Variants in PCGF5 observed in about 807,000 individuals in gnomAD.
PCGF5 encodes the protein polycomb group ring finger 5.
In PCGF5, 9 loss-of-function variants were observed where a neutral mutation model predicts 44.3. The ratio of observed to expected loss-of-function variants is 0.20; its 90% CI spans 0.12 to 0.35. The LOEUF is 0.35. Among genes scored for constraint, PCGF5 ranks in the 10% least tolerant of loss-of-function variants. The pLI is 1.00. For missense variants in PCGF5, 146 were observed against 305.3 expected (o/e 0.48, Z 3.89); for synonymous variants, 95 against 102.5 (o/e 0.93, Z 0.44).
chr10:91,164,328 G>A (rs575428133), intron 1 of PCGF5, among the ~76,000 whole-genome samples: 1 of 152,214 alleles, frequency 6.6e-6, no homozygotes, highest in Non-Finnish European at 1.5e-5. Flanking sequence ...CTAACTTTTG[G>A]GGGGTCAGGG....
At chr10:91,178,641 G>A (rs149750422) in intron 1 of PCGF5, among the ~76,000 whole-genome samples, 111 of 151,996 alleles carry the variant, frequency 7.3e-4, no homozygotes, top group Non-Finnish European at 7.5e-4. Flanking sequence ...CTCCCACCTC[G>A]GCCTCCCAAA....
chr10:91,260,156 G>A lies in PCGF5; in HGVS notation c.475-1170G>A, dbSNP rs564405601. ...CCATCAAAAAGTGGGCAAAGGGTAT[G>A]AACAGACACTTCTCAAAAGAAGACA... On this transcript the variant is annotated intron_variant, in intron 6 of 9. Transcript: ENST00000336126. Among the ~76,000 whole-genome samples the A allele has an allele frequency of 9.6e-4, 123 of 127,468 alleles. 1 individual carries two copies. Among genetic ancestry groups the A allele is most frequent in the African/African-American group, 4.6e-3 (119 of 25,788 alleles). The allele number at this position is 127,468 out of a possible 152,430, so 83.6% of individuals were successfully genotyped here.
At chr10:91,247,556 ATGT>A (rs754939528) in intron 3 of PCGF5, among the ~76,000 whole-genome samples, 13 of 150,722 alleles carry the variant, frequency 8.6e-5, no homozygotes, top group African/African-American at 7.3e-5. Flanking sequence ...TAGAAGAGTA[ATGT>A]TGTTGAGCAG....
In PCGF5 at chr10:91,283,774, T is replaced by C. The variant is rs558245812; in HGVS notation, c.*5458T>C. The C allele has an allele frequency of 4.6e-5, 7 of 152,470 alleles. No homozygotes were observed. Among genetic ancestry groups the C allele is most frequent in the South Asian group, 4.1e-4 (2 of 4,820 alleles). 9.4% of individuals were successfully genotyped at this position (152,470 alleles called of 1,614,324 possible). A position where few individuals can be genotyped will look rare whatever the true frequency, so the allele number is the denominator to read the frequency against. On this transcript the variant is annotated 3_prime_UTR_variant, in exon 10 of 10. Coordinates refer to ENST00000336126, the MANE Select transcript of PCGF5 (RefSeq NM_032373.5). ...CAGAGATCATCAGTTTTAAATAGAG[T>C]AGCCCTCACAATCAAAATATCATAG...
At chr10:91,239,456 G>A (rs948284396) in intron 2 of PCGF5, among the ~76,000 whole-genome samples, 4 of 152,152 alleles carry the variant, frequency 2.6e-5, no homozygotes, top group Non-Finnish European at 4.4e-5. Context: ...GAATCCTAGT[G>A]TTTAGTTTTG....
intron 9 of PCGF5, 71 bp downstream of exon 9, chr10:91,271,768 C>A: frequency 7.7e-7 from 1 of 1,304,594 alleles, no homozygotes; most frequent in South Asian, 1.2e-5. Flanking sequence ...ATCCCAAACT[C>A]AATTCCTAAG....
intron 8 of PCGF5, among the ~76,000 whole-genome samples, chr10:91,264,990 T>C (rs1467816808): frequency 2.0e-5 from 3 of 152,050 alleles, no homozygotes; most frequent in African/African-American, 7.2e-5. Flanking sequence ...AAACTCGGAC[T>C]TAAGGGTAAG....
At chr10:91,201,533 C>T (rs542581958) in intron 1 of PCGF5, among the ~76,000 whole-genome samples, 3 of 152,200 alleles carry the variant, frequency 2.0e-5, no homozygotes, top group Non-Finnish European at 4.4e-5. Context: ...AAAAAAAATA[C>T]GTAAACAGAG....
chr10:91,273,903 C>T (rs1334154500), intron 9 of PCGF5, among the ~76,000 whole-genome samples: 1 of 150,720 alleles, frequency 6.6e-6, no homozygotes, highest in Non-Finnish European at 1.5e-5. Flanking sequence ...TAAAAATCAT[C>T]AGTAGATACT....
At chr10:91,196,372 G>A (rs914744729) in intron 1 of PCGF5, among the ~76,000 whole-genome samples, 12 of 152,186 alleles carry the variant, frequency 7.9e-5, no homozygotes, top group Admixed American at 7.9e-4. Flanking sequence ...GACTTTCTAA[G>A]CAAGAAACCT....
chr10:91,216,552 GA>G (rs1296250607), upstream of PCGF5, among the ~76,000 whole-genome samples: 2 of 152,218 alleles, frequency 1.3e-5, no homozygotes, highest in Admixed American at 6.5e-5. Context: ...TATATAGTTA[GA>G]AAGAGTCTTC....
intron 1 of PCGF5, among the ~76,000 whole-genome samples, chr10:91,186,690 G>T (rs12244088): frequency 0.21 from 31,299 of 151,584 alleles, 3,569 homozygotes; most frequent in East Asian, 0.49. Context: ...TTCCATCCCG[G>T]GCCTCCCTAG....
intron 6 of PCGF5, among the ~76,000 whole-genome samples, chr10:91,255,488 CCTT>C (rs1845725696): frequency 6.6e-6 from 1 of 152,018 alleles, no homozygotes; most frequent in African/African-American, 2.4e-5. Flanking sequence ...GTTGTCAACA[CCTT>C]AGTTGAATAT....
chr10:91,283,413 CAG>C lies in PCGF5; in HGVS notation c.*5099_*5100del, dbSNP rs1399615032. The C allele has an allele frequency of 1.3e-5, 2 of 152,108 alleles. No homozygotes were observed. Among genetic ancestry groups the C allele is most frequent in the African/African-American group, 4.8e-5 (2 of 41,426 alleles). 9.4% of individuals were successfully genotyped at this position (152,108 alleles called of 1,614,324 possible). ...ATTTTAAATCTAGAATCAAGTGAAA[CAG>C]ATATGTTAAATACTGAGTCTAGTTT... On this transcript the variant is annotated 3_prime_UTR_variant, in exon 10 of 10. Transcript: ENST00000336126.
At chr10:91,160,967 G>A (rs1843372446), upstream of PCGF5, among the ~76,000 whole-genome samples, 1 of 152,208 alleles carries the variant, frequency 6.6e-6, no homozygotes, top group Admixed American at 6.5e-5. Flanking sequence ...TAGGGATTCT[G>A]AGCCCTGCCC....
At chr10:91,171,222 T>C (rs1843598865) in intron 1 of PCGF5, among the ~76,000 whole-genome samples, 1 of 152,154 alleles carries the variant, frequency 6.6e-6, no homozygotes, top group Non-Finnish European at 1.5e-5. Context: ...AGATGTGGCA[T>C]GGAGGAAGAA....
Position 91,232,881 on chromosome 10 carries a change from G to A in PCGF5, c.113-7603G>A, listed in dbSNP as rs536839016. ...AAGCGTAATGGACTTGGGGCATTGA[G>A]TATGACAGCCTGGCAGATGAAGGAT... On this transcript the variant is annotated intron_variant, in intron 2 of 9. Transcript: ENST00000336126. Among the ~76,000 whole-genome samples the A allele has an allele frequency of 2.0e-5, 3 of 152,300 alleles. No individual in the cohort carries two copies. The East Asian group carries it at 5.8e-4, about 29-fold the overall frequency.
rs938599959 is a variant in PCGF5, at chr10:91,182,376, T to G, written c.-184+19295T>G. Reference sequence around the variant, plus strand: ...TGTTTATAATATTCTCTGATGGTTGTTTGTATTTCTGTGAGGTCAGTGGTA... The same window carrying G: ...TGTTTATAATATTCTCTGATGGTTGGTTGTATTTCTGTGAGGTCAGTGGTA... On this transcript the variant is annotated intron_variant, in intron 1 of 9. Transcript: ENST00000614189. Among the ~76,000 whole-genome samples, 18 of 152,194 alleles carry G rather than the reference T, an allele frequency of 1.2e-4. No individual in the cohort carries two copies. The East Asian group carries it at 1.5e-3, about 13-fold the overall frequency.
At chr10:91,173,841 A>C (rs1843656601) in intron 1 of PCGF5, among the ~76,000 whole-genome samples, 1 of 151,992 alleles carries the variant, frequency 6.6e-6, no homozygotes, top group African/African-American at 2.4e-5. Flanking sequence ...TTTGGATGGA[A>C]GTAAAAAAAA....
Sources: allele counts gnomAD v4.1 joint callset (sites outside exome capture counted in the v4.1 genomes callset), GRCh38; gene constraint gnomAD v4.1.1; transcripts MANE v1.5; gene names NCBI Gene and HGNC (gene_info 2026-07-23, HGNC 2026-07-21).